SNTB2: variants seen among roughly 807,000 people sequenced by gnomAD.
SNTB2 encodes the protein syntrophin beta 2.
Under a neutral mutation model 46.2 loss-of-function variants are expected in SNTB2, and 34 were observed. That is an observed-to-expected ratio of 0.74 (90% CI 0.56 to 0.98). The LOEUF (loss-of-function observed/expected upper bound fraction) is 0.98, where lower values mean the gene tolerates loss of function less well. SNTB2 is among the 50% of genes least tolerant of loss of function. SNTB2 has a pLI of 0.00. For synonymous variants in SNTB2, 290 were observed against 312.6 expected, an observed-to-expected ratio of 0.93 and a Z score of 0.76; for missense variants, 603 against 731.4, an observed-to-expected ratio of 0.82 and a Z score of 2.02.
In SNTB2 at chr16:69,284,130, G is replaced by C; in HGVS notation, c.1231G>C (p.Gly411Arg). 6.2e-7 allele frequency: 1 copy of C among 1,613,940 alleles called. No homozygotes were observed. The highest frequency in any genetic ancestry group is 8.5e-7 in the Non-Finnish European group (1 of 1,179,994). ...TGCTACCAGGACAGGCTCTCGACAGGGCATTGAGATGCATCTCTTCAGGGT... is the reference window on the plus strand; with the variant it reads ...TGCTACCAGGACAGGCTCTCGACAGCGCATTGAGATGCATCTCTTCAGGGT... Reference protein sequence around the residue: ...TFATRTGSRQGIEMHLFRVET... With the variant: ...TFATRTGSRQRIEMHLFRVET... Residue 411 changes from glycine (G) to arginine (R), a missense_variant, in exon 5 of 7, where the codon GGC becomes CGC. Gly to Arg is a moderately radical substitution (Grantham distance 125). Coordinates refer to ENST00000336278, the MANE Select transcript of SNTB2 (RefSeq NM_006750.4).
chr16:69,284,340 A>G (rs1965079247), intron 5 of SNTB2, 96 bp downstream of exon 5: 3 of 992,304 alleles, frequency 3.0e-6, no homozygotes, highest in Non-Finnish European at 4.3e-6. Flanking sequence ...GATGGATTGC[A>G]TACATGACAG....
intron 1 of SNTB2, among the ~76,000 whole-genome samples, chr16:69,190,339 G>C (rs115396187): frequency 0.027 from 4,163 of 152,230 alleles, 56 homozygotes; most frequent in African/African-American, 0.04. Flanking sequence ...TATAGTCTTT[G>C]GTTGCCTGTG....
intron 1 of SNTB2, among the ~76,000 whole-genome samples, chr16:69,233,394 G>C (rs1964526024): frequency 6.6e-6 from 1 of 152,132 alleles, no homozygotes; most frequent in Non-Finnish European, 1.5e-5. Context: ...GTTTTAAGTA[G>C]AAGAAAATAA....
chr16:69,196,514 A>AG (rs1203749518), intron 1 of SNTB2, among the ~76,000 whole-genome samples: 1 of 151,316 alleles, frequency 6.6e-6, no homozygotes, highest in Non-Finnish European at 1.5e-5. Flanking sequence ...AGCTGGGATT[A>AG]CAGACACGCG....
intron 4 of SNTB2, among the ~76,000 whole-genome samples, chr16:69,278,429 A>G (rs1387576323): frequency 1.3e-5 from 2 of 151,492 alleles, no homozygotes; most frequent in African/African-American, 2.4e-5. Context: ...TGGTTTTCCT[A>G]TATGTATACT....
intron 1 of SNTB2, among the ~76,000 whole-genome samples, chr16:69,208,337 C>T (rs897281722): frequency 1.5e-4 from 22 of 148,436 alleles, no homozygotes; most frequent in African/African-American, 5.0e-4. Flanking sequence ...ACCCAGGAGG[C>T]GGAGGTGGCA....
rs1964001656 is a variant in SNTB2 at position 69,187,463 on chromosome 16, G to T, written c.297G>T (p.Pro99=). ...RGLGPPSPPA[P]PRGPAGEAGA... ...TGGGGCCCCCGAGCCCGCCGGCGCC[G>T]CCTCGGGGCCCCGCGGGTGAGGCGG... Residue 99 remains proline (P), a synonymous_variant, in exon 1 of 7, where the codon CCG becomes CCT. Transcript: ENST00000336278. 1 of 1,189,376 alleles carries T rather than the reference G, an allele frequency of 8.4e-7. No individual in the cohort carries two copies. Among genetic ancestry groups the T allele is most frequent in the Non-Finnish European group, 1.0e-6 (1 of 957,890 alleles). The allele number at this position is 1,189,376 out of a possible 1,614,324, so 73.7% of individuals were successfully genotyped here. A position where few individuals can be genotyped will look rare whatever the true frequency, so the allele number is the denominator to read the frequency against.
In SNTB2 at chr16:69,219,718, ATTTTGTTTTGTTTTGTTTTGTTTTG is replaced by A. The variant is rs60116168; in HGVS notation, c.581-25859_581-25835del. ...AGTCATAGAAACCAGATTTTATTTT[ATTTTGTTTTGTTTTGTTTTGTTTTG>A]TTTTGTTTTGTTTTGTTTTGTTTTT... On this transcript the variant is annotated intron_variant, in intron 1 of 6. Transcript: ENST00000336278. 2.1e-4 allele frequency among the ~76,000 whole-genome samples: 29 copies of A among 140,746 alleles called. 1 individual carries two copies. Among genetic ancestry groups the A allele is most frequent in the African/African-American group, 3.1e-5 (1 of 32,564 alleles). The allele number at this position is 140,746 out of a possible 152,430, so 92.3% of individuals were successfully genotyped here. A position where few individuals can be genotyped will look rare whatever the true frequency, so the allele number is the denominator to read the frequency against.
At chr16:69,247,172 G>A (rs1180959697) in intron 2 of SNTB2, among the ~76,000 whole-genome samples, 1 of 151,874 alleles carries the variant, frequency 6.6e-6, no homozygotes, top group Non-Finnish European at 1.5e-5. Context: ...TCTGCATTAT[G>A]GTTCTGGCTG....
Position 69,219,326 on chromosome 16 carries a change from G to A in SNTB2, c.581-26276G>A, listed in dbSNP as rs62055847. ...TCATGGAAGAGCTGGGGAATAGGGA[G>A]ATGTTAATTTAATGGCTGGATCACT... On this transcript the variant is annotated intron_variant, in intron 1 of 6. Coordinates refer to ENST00000336278, the MANE Select transcript of SNTB2 (RefSeq NM_006750.4). Among the ~76,000 whole-genome samples the A allele has an allele frequency of 6.8e-3, 1,036 of 152,296 alleles. 4 individuals carry two copies. Among genetic ancestry groups the A allele is most frequent in the Middle Eastern group, 0.014 (4 of 294 alleles).
intron 5 of SNTB2, among the ~76,000 whole-genome samples, chr16:69,296,276 G>A (rs147718901): frequency 0.011 from 1,678 of 151,676 alleles, 29 homozygotes; most frequent in African/African-American, 0.039. Flanking sequence ...GTGAAACTCC[G>A]TCTCAAAAAA....
At chr16:69,237,678 C>T (rs1019763861) in intron 1 of SNTB2, among the ~76,000 whole-genome samples, 8 of 146,754 alleles carry the variant, frequency 5.5e-5, no homozygotes, top group African/African-American at 2.0e-4. Context: ...TCTTGGCTCA[C>T]TGCAACCTCC....
At chr16:69,205,313 CA>C (rs773762102) in intron 1 of SNTB2, among the ~76,000 whole-genome samples, 1 of 141,984 alleles carries the variant, frequency 7.0e-6, no homozygotes, top group East Asian at 2.0e-4. Context: ...CCACGCTTGG[CA>C]AATTTTTTTT....
chr16:69,258,824 G>A (rs1158194184), intron 2 of SNTB2, among the ~76,000 whole-genome samples: 1 of 151,876 alleles, frequency 6.6e-6, no homozygotes, highest in Non-Finnish European at 1.5e-5. Flanking sequence ...TGTTGGCCAG[G>A]CTGGTCTCAA....
chr16:69,212,297 C>G (rs1479471980), intron 1 of SNTB2, among the ~76,000 whole-genome samples: 1 of 151,988 alleles, frequency 6.6e-6, no homozygotes, highest in Non-Finnish European at 1.5e-5. Flanking sequence ...CCTACCACCC[C>G]CACTTCAAAG....
intron 5 of SNTB2, among the ~76,000 whole-genome samples, chr16:69,286,539 G>T (rs1360776496): frequency 6.6e-6 from 1 of 151,936 alleles, no homozygotes; most frequent in African/African-American, 2.4e-5. Flanking sequence ...CAAAAATTTA[G>T]CTGGGAGTGG....
At position 69,277,801 on chromosome 16, in the gene SNTB2, A is replaced by G. The variant is rs571347947; in HGVS notation, c.1149-6247A>G. ...TTTTTAAAAATCCTGTATAGAAAAC[A>G]TTGTGAGGTGAGTGAATCCTTATAA... On this transcript the variant is annotated intron_variant, in intron 4 of 6. Coordinates refer to ENST00000336278, the MANE Select transcript of SNTB2 (RefSeq NM_006750.4). Among the ~76,000 whole-genome samples the G allele has an allele frequency of 2.4e-4, 37 of 152,306 alleles. 1 individual carries two copies. The highest frequency in any genetic ancestry group is 1.9e-3 in the Admixed American group (29 of 15,286).
chr16:69,228,044 C>T (rs893277437), intron 1 of SNTB2, among the ~76,000 whole-genome samples: 1 of 151,720 alleles, frequency 6.6e-6, no homozygotes, highest in Non-Finnish European at 1.5e-5. Flanking sequence ...ATCTTAATTA[C>T]CACGTCTAGA....
chr16:69,191,089 A>G (rs906903901), intron 1 of SNTB2: 5 of 151,976 alleles, frequency 3.3e-5, no homozygotes, highest in Non-Finnish European at 5.9e-5. Flanking sequence ...GATGATAAGA[A>G]TTATTTTAGG....
Sources: gnomAD v4.1 joint callset for allele counts (sites outside exome capture counted in the v4.1 genomes callset) on GRCh38, gnomAD v4.1.1 for gene constraint, MANE v1.5 for transcripts, NCBI Gene and HGNC (gene_info 2026-07-23, HGNC 2026-07-21) for gene names.